The following THSD4 variants were observed in gnomAD, a reference collection of about 807,000 sequenced individuals.
The protein encoded by THSD4 is thrombospondin type 1 domain containing 4.
Under a neutral mutation model 119.0 loss-of-function variants are expected in THSD4, and 69 were observed. The ratio of observed to expected loss-of-function variants is 0.58; its 90% CI spans 0.48 to 0.71. THSD4 has a LOEUF of 0.71. THSD4 is among the 30% of genes least tolerant of loss of function. The pLI, the probability that THSD4 is intolerant of heterozygous loss-of-function variation, is 0.00. For missense variants in THSD4, 1,393 were observed against 1,391.1 expected (o/e 1.00, Z -0.02); for synonymous variants, 524 against 540.4 (o/e 0.97, Z 0.42).
intron 17 of THSD4, among the ~76,000 whole-genome samples, chr15:71,772,377 C>A (rs1180765549): frequency 5.3e-5 from 8 of 152,026 alleles, no homozygotes; most frequent in Non-Finnish European, 8.8e-5. Context: ...ACCAAAAAAA[C>A]CCATAAATTC....
At chr15:71,470,056 A>C (rs979597774) in intron 7 of THSD4, among the ~76,000 whole-genome samples, 1 of 152,242 alleles carries the variant, frequency 6.6e-6, no homozygotes, top group African/African-American at 2.4e-5. Flanking sequence ...GCAAAGGTGT[A>C]AAGGCATGAA....
chr15:71,766,307 T>C (rs1195124924), intron 16 of THSD4, among the ~76,000 whole-genome samples: 1 of 152,012 alleles, frequency 6.6e-6, no homozygotes, highest in Non-Finnish European at 1.5e-5. Flanking sequence ...CAGGTGACCA[T>C]TGGCGTAGTT....
At chr15:71,447,759 A>G (rs1250069039) in intron 7 of THSD4, among the ~76,000 whole-genome samples, 2 of 152,214 alleles carry the variant, frequency 1.3e-5, no homozygotes, top group Non-Finnish European at 2.9e-5. Context: ...TGTTTTTCTC[A>G]TGGAACAACT....
intron 8 of THSD4, among the ~76,000 whole-genome samples, chr15:71,670,765 A>G (rs770706713): frequency 2.6e-5 from 4 of 151,532 alleles, no homozygotes; most frequent in African/African-American, 9.7e-5. Context: ...CTGTCCTTGC[A>G]ATAGTTTGCT....
rs146165029 is a variant in THSD4 at position 71,732,111 on chromosome 15, A to G, written c.1630+894A>G. On this transcript the variant is annotated intron_variant, in intron 10 of 17. Transcript: ENST00000261862. ...CCTTCAGATTACACTGGGCCCACCC[A>G]AGTAATCCAGGATAATCTCTCCTTC... The G allele has an allele frequency of 3.5e-3, 536 of 152,344 alleles. 3 individuals carry two copies. The highest frequency in any genetic ancestry group is 8.7e-3 in the Admixed American group (133 of 15,296). The allele number at this position is 152,344 out of a possible 1,614,324, so 9.4% of individuals were successfully genotyped here. A position where few individuals can be genotyped will look rare whatever the true frequency, so the allele number is the denominator to read the frequency against.
At chr15:71,452,557 C>T (rs1360062345) in intron 7 of THSD4, among the ~76,000 whole-genome samples, 11 of 151,970 alleles carry the variant, frequency 7.2e-5, no homozygotes, top group Non-Finnish European at 1.6e-4. Flanking sequence ...ATGTTAAAGC[C>T]CTAACCCCAA....
chr15:71,155,785 A>C (rs1297499312), intron 3 of THSD4, among the ~76,000 whole-genome samples: 1 of 152,158 alleles, frequency 6.6e-6, no homozygotes, highest in Non-Finnish European at 1.5e-5. Flanking sequence ...GGACGCAGTC[A>C]CTGCCAACTG....
chr15:71,438,412 T>A (rs974755887), intron 7 of THSD4, among the ~76,000 whole-genome samples: 5 of 152,246 alleles, frequency 3.3e-5, no homozygotes, highest in Admixed American at 3.3e-4. Context: ...GGATTTTATG[T>A]CATAGAAAGA....
In THSD4 at chr15:71,682,905, T is replaced by C. The variant is rs1418708686; in HGVS notation, c.1357+22171T>C. Among the ~76,000 whole-genome samples the C allele has an allele frequency of 1.4e-3, 75 of 52,440 alleles. 1 individual carries two copies. Among genetic ancestry groups the C allele is most frequent in the Admixed American group, 2.0e-3 (10 of 5,112 alleles). 34.4% of individuals were successfully genotyped at this position (52,440 alleles called of 152,430 possible). A position where few individuals can be genotyped will look rare whatever the true frequency, so the allele number is the denominator to read the frequency against. Reference sequence around the variant, plus strand: ...CTTTCTTTCTTTCTTTCTTTCTTTCTTTCTTCTTCTTCTTCTTTTTTTTTT... The same window carrying C: ...CTTTCTTTCTTTCTTTCTTTCTTTCCTTCTTCTTCTTCTTCTTTTTTTTTT... On this transcript the variant is annotated intron_variant, in intron 8 of 17. Coordinates refer to ENST00000261862, the MANE Select transcript of THSD4 (RefSeq NM_024817.3).
intron 7 of THSD4, among the ~76,000 whole-genome samples, chr15:71,524,802 C>T (rs1220367815): frequency 7.2e-6 from 1 of 138,250 alleles, no homozygotes; most frequent in African/African-American, 2.7e-5. Context: ...TTAGTAGAGA[C>T]GGGGTTTCAC....
rs58309087 is a variant in THSD4, at chr15:71,682,855, ACTTTCTTT to A, written c.1357+22169_1357+22176del. ...CATGGCAATTCTTCCCTCTTTTGCTACTTTCTTTCTTTCTTTCTTTCTTTCTTTCTTTC... is the reference window on the plus strand; with the variant it reads ...CATGGCAATTCTTCCCTCTTTTGCTACTTTCTTTCTTTCTTTCTTTCTTTC... On this transcript the variant is annotated intron_variant, in intron 8 of 17. Coordinates refer to ENST00000261862, the MANE Select transcript of THSD4 (RefSeq NM_024817.3). 3.7e-3 allele frequency among the ~76,000 whole-genome samples: 403 copies of A among 108,896 alleles called. 22 individuals are homozygous for A. Among genetic ancestry groups the A allele is most frequent in the African/African-American group, 0.014 (376 of 27,046 alleles). The allele number at this position is 108,896 out of a possible 152,430, so 71.4% of individuals were successfully genotyped here. A position where few individuals can be genotyped will look rare whatever the true frequency, so the allele number is the denominator to read the frequency against.
chr15:71,260,233 C>T (rs1369565662), intron 6 of THSD4, among the ~76,000 whole-genome samples: 1 of 152,038 alleles, frequency 6.6e-6, no homozygotes, highest in African/African-American at 2.4e-5. Context: ...TTATTTTTTT[C>T]CCCTCTGATT....
chr15:71,656,251 A>C (rs1021557283), intron 7 of THSD4, among the ~76,000 whole-genome samples: 3 of 152,228 alleles, frequency 2.0e-5, no homozygotes, highest in African/African-American at 4.8e-5. Flanking sequence ...TGTCAATGGC[A>C]TACATGGTTT....
At chr15:71,431,733 C>T (rs2046945013) in intron 7 of THSD4, among the ~76,000 whole-genome samples, 2 of 152,106 alleles carry the variant, frequency 1.3e-5, no homozygotes, top group African/African-American at 2.4e-5. Context: ...TTCCCAGACC[C>T]AAGGCTTGTA....
intron 7 of THSD4, among the ~76,000 whole-genome samples, chr15:71,572,201 C>T (rs1259290169): frequency 6.6e-6 from 1 of 152,132 alleles, no homozygotes; most frequent in Non-Finnish European, 1.5e-5. Flanking sequence ...ATCCTCAACC[C>T]TTGCCAATTA....
At chr15:71,625,821 G>A (rs1314725726) in intron 7 of THSD4, among the ~76,000 whole-genome samples, 2 of 152,228 alleles carry the variant, frequency 1.3e-5, no homozygotes, top group Non-Finnish European at 2.9e-5. Context: ...TGGAGACTAA[G>A]AGGTGATAGA....
rs58224178 is a variant in THSD4 at position 71,755,043 on chromosome 15, A to T, written c.2416-2859A>T. ...TCAACTCCCCATCTCCAGTGATAAGAATCTTCTCTTCTTCCTAGCACTGGG... is the reference window on the plus strand; with the variant it reads ...TCAACTCCCCATCTCCAGTGATAAGTATCTTCTCTTCTTCCTAGCACTGGG... On this transcript the variant is annotated intron_variant, in intron 14 of 17. Transcript: ENST00000261862. Among the ~76,000 whole-genome samples, 1,355 of 152,268 alleles carry T rather than the reference A, an allele frequency of 8.9e-3. 18 individuals carry two copies. The highest frequency in any genetic ancestry group is 0.03 in the African/African-American group (1,251 of 41,550).
At chr15:71,674,992 C>G (rs2051610391) in intron 8 of THSD4, among the ~76,000 whole-genome samples, 1 of 152,162 alleles carries the variant, frequency 6.6e-6, no homozygotes, top group African/African-American at 2.4e-5. Context: ...CAATAAATAT[C>G]TAAGGTTTTC....
intron 3 of THSD4, among the ~76,000 whole-genome samples, chr15:71,161,432 T>C (rs1362773089): frequency 1.3e-5 from 2 of 152,098 alleles, no homozygotes; most frequent in Admixed American, 1.3e-4. Flanking sequence ...GATGCTCCAG[T>C]GTTGGGTGCA....
Sources: gnomAD v4.1 joint callset for allele counts (sites outside exome capture counted in the v4.1 genomes callset) on GRCh38, gnomAD v4.1.1 for gene constraint, MANE v1.5 for transcripts, NCBI Gene and HGNC (gene_info 2026-07-23, HGNC 2026-07-21) for gene names.